Variants in CFAP61 observed in about 807,000 individuals in gnomAD.
CFAP61 encodes cilia- and flagella-associated protein 61.
A neutral mutation model predicts 135.6 loss-of-function variants in CFAP61; 107 were observed. The ratio of observed to expected loss-of-function variants is 0.79; its 90% CI spans 0.67 to 0.93. The LOEUF is 0.93. CFAP61 is among the 40% of genes least tolerant of loss of function. The pLI is 0.00. For missense variants in CFAP61, 1,507 were observed against 1,556.2 expected, an observed-to-expected ratio of 0.97 and a Z score of 0.53; for synonymous variants, 575 against 578.5, an observed-to-expected ratio of 0.99 and a Z score of 0.09.
At chr20:20,354,687 G>T (rs537545616) in intron 26 of CFAP61, among the ~76,000 whole-genome samples, 4 of 151,600 alleles carry the variant, frequency 2.6e-5, no homozygotes, top group Admixed American at 2.6e-4. Flanking sequence ...TAGTCACATT[G>T]TGAGAGAAAA....
At chr20:20,196,827 T>C (rs2056326345) in intron 16 of CFAP61, 51 bp downstream of exon 16, 1 of 1,482,736 alleles carries the variant, frequency 6.7e-7, no homozygotes, top group Non-Finnish European at 9.4e-7. Flanking sequence ...TTCACAGTGT[T>C]GTTGGTGTTG....
chr20:20,247,913 T>G lies in CFAP61; in HGVS notation c.2159+1698T>G, dbSNP rs1311536625. 4.6e-5 allele frequency among the ~76,000 whole-genome samples: 7 copies of G among 152,226 alleles called. No individual in the cohort carries two copies. The East Asian group carries it at 1.2e-3, about 25-fold the overall frequency. On this transcript the variant is annotated intron_variant, in intron 19 of 26. Coordinates refer to ENST00000245957, the MANE Select transcript of CFAP61 (RefSeq NM_015585.4). The stretch of plus-strand genomic sequence containing the variant: ...CCCAACACACTCCAGTCCCTCATAC[T>G]CTGCTCTGTTTTTTTCTTGCTACTT...
At chr20:20,180,197 T>C (rs1272036496) in intron 13 of CFAP61, among the ~76,000 whole-genome samples, 1 of 151,914 alleles carries the variant, frequency 6.6e-6, no homozygotes, top group African/African-American at 2.4e-5. Context: ...CATTAAAAAC[T>C]GGGCACCTGT....
intron 8 of CFAP61, among the ~76,000 whole-genome samples, chr20:20,111,683 G>A (rs2048811383): frequency 6.6e-6 from 1 of 152,132 alleles, no homozygotes; most frequent in South Asian, 2.1e-4. Flanking sequence ...ACTCTGGAGG[G>A]ATCAGGCAGG....
chr20:20,348,484 T>C (rs1283457636), intron 26 of CFAP61, among the ~76,000 whole-genome samples: 2 of 152,068 alleles, frequency 1.3e-5, no homozygotes, highest in East Asian at 3.9e-4. Flanking sequence ...GATCAGGAGT[T>C]TGAGACCAGC....
chr20:20,250,548 A>C (rs2050802971), intron 19 of CFAP61, among the ~76,000 whole-genome samples: 1 of 152,242 alleles, frequency 6.6e-6, no homozygotes, highest in Non-Finnish European at 1.5e-5. Context: ...CAGGAGTTTG[A>C]GACCAGCTTG....
At chr20:20,225,075 G>T (rs545642759) in intron 17 of CFAP61, among the ~76,000 whole-genome samples, 4 of 152,134 alleles carry the variant, frequency 2.6e-5, no homozygotes, top group Non-Finnish European at 5.9e-5. Context: ...ATGAAAACTT[G>T]TAGTTTGAAG....
chr20:20,266,132 C>G (rs1792099754), intron 21 of CFAP61, among the ~76,000 whole-genome samples: 1 of 152,222 alleles, frequency 6.6e-6, no homozygotes, highest in Non-Finnish European at 1.5e-5. Context: ...CTCTGGCAGG[C>G]TGAAATACAT....
chr20:20,229,703 A>AT (rs1466673047), intron 18 of CFAP61, among the ~76,000 whole-genome samples: 4 of 152,086 alleles, frequency 2.6e-5, no homozygotes, highest in Non-Finnish European at 4.4e-5. Context: ...AAAAGAATTG[A>AT]TTTTTTCACT....
At chr20:20,208,435 A>T (rs775396001) in intron 17 of CFAP61, among the ~76,000 whole-genome samples, 23 of 152,318 alleles carry the variant, frequency 1.5e-4, no homozygotes, top group Non-Finnish European at 2.1e-4. Context: ...GACTCCCCTG[A>T]CCCGCTGCTG....
intron 9 of CFAP61, among the ~76,000 whole-genome samples, chr20:20,151,370 T>C (rs1267601337): frequency 6.7e-6 from 1 of 149,506 alleles, no homozygotes; most frequent in Non-Finnish European, 1.5e-5. Flanking sequence ...TATTAAAAAA[T>C]GAACAAAGCC....
chr20:20,149,606 A>G (rs2052227577), intron 9 of CFAP61, among the ~76,000 whole-genome samples: 1 of 152,348 alleles, frequency 6.6e-6, no homozygotes, highest in East Asian at 1.9e-4. Context: ...AGATTACAGG[A>G]GAAAGATTTA....
intron 8 of CFAP61, among the ~76,000 whole-genome samples, chr20:20,105,053 G>A (rs973545049): frequency 1.3e-5 from 2 of 152,126 alleles, no homozygotes; most frequent in Admixed American, 1.3e-4. Context: ...CCCAGGAGAG[G>A]CTCTATGGTA....
In CFAP61 at chr20:20,188,030, C is replaced by G. The variant is rs529543908; in HGVS notation, c.1486C>G (p.Arg496Gly). Reference protein sequence around the residue: ...LNKSILEDLDRYNKARKDPDG... With the variant: ...LNKSILEDLDGYNKARKDPDG... ...TAAAAGCATATTGGAGGACTTAGAC[C>G]GTTACAACAAGGCTCGCAAAGACCC... The change falls in exon 14 of 27, where the codon CGT becomes GGT. Residue 496 changes from arginine to glycine, a missense_variant. Physicochemically the swap from Arg to Gly is moderately radical, Grantham distance 125. Transcript: ENST00000245957. The G allele has an allele frequency of 1.2e-6, 2 of 1,614,006 alleles. No homozygotes were observed. The highest frequency in any genetic ancestry group is 1.7e-5 in the Admixed American group (1 of 60,006).
At chr20:20,265,925 T>C (rs7269093) in intron 21 of CFAP61, 56,809 of 159,120 alleles carry the variant, frequency 0.36, 10,908 homozygotes, top group Middle Eastern at 0.48. Flanking sequence ...ATTATTATTC[T>C]TGCAGCATCA....
At chr20:20,167,841 G>A (rs905140507) in intron 12 of CFAP61, among the ~76,000 whole-genome samples, 2 of 152,168 alleles carry the variant, frequency 1.3e-5, no homozygotes, top group Admixed American at 6.5e-5. Flanking sequence ...CCTTCACAGG[G>A]TTCAAGAGGA....
At chr20:20,304,068 C>T (rs923047160) in intron 25 of CFAP61, among the ~76,000 whole-genome samples, 5 of 152,270 alleles carry the variant, frequency 3.3e-5, no homozygotes, top group African/African-American at 9.6e-5. Context: ...CACTTGGAAC[C>T]ATATGGGGAC....
intron 6 of CFAP61, among the ~76,000 whole-genome samples, chr20:20,085,853 T>A (rs2046762780): frequency 6.6e-6 from 1 of 152,248 alleles, no homozygotes. Context: ...TTTTTACAAA[T>A]TATTCTTAGC....
chr20:20,233,099 G>A (rs2049280121), intron 18 of CFAP61, among the ~76,000 whole-genome samples: 1 of 152,182 alleles, frequency 6.6e-6, no homozygotes, highest in African/African-American at 2.4e-5. Flanking sequence ...CTGCAATTGT[G>A]GCAATGACCA....
Sources: gnomAD v4.1 joint callset for allele counts (sites outside exome capture counted in the v4.1 genomes callset) on GRCh38, gnomAD v4.1.1 for gene constraint, MANE v1.5 for transcripts, NCBI Gene and HGNC (gene_info 2026-07-23, HGNC 2026-07-21) for gene names.